GRID2: variants seen among roughly 807,000 people sequenced by gnomAD.
GRID2 encodes glutamate ionotropic receptor delta type subunit 2.
Under a neutral mutation model 114.8 loss-of-function variants are expected in GRID2, and 33 were observed. That is an observed-to-expected ratio of 0.29 (90% CI 0.22 to 0.38). GRID2 has a LOEUF of 0.38. GRID2 is among the 10% of genes least tolerant of loss of function. GRID2 has a pLI of 1.00. For missense variants in GRID2, 1,184 were observed against 1,257.7 expected (o/e 0.94, Z 0.89); for synonymous variants, 505 against 449.9 (o/e 1.12, Z -1.55).
chr4:93,743,373 T>C (rs1051505550), intron 14 of GRID2, among the ~76,000 whole-genome samples: 2 of 152,212 alleles, frequency 1.3e-5, no homozygotes, highest in Non-Finnish European at 2.9e-5. Context: ...GCCAAGATAA[T>C]AGATGAAGGT....
chr4:93,471,286 A>T (rs1339169828), intron 11 of GRID2, among the ~76,000 whole-genome samples: 2 of 152,210 alleles, frequency 1.3e-5, no homozygotes. Context: ...TCTTATAGAT[A>T]GGCTGCAAGG....
At chr4:92,476,768 A>T (rs1204336424) in intron 1 of GRID2, among the ~76,000 whole-genome samples, 2 of 152,190 alleles carry the variant, frequency 1.3e-5, no homozygotes, top group African/African-American at 4.8e-5. Context: ...TTACTTAATT[A>T]CTATCACAAC....
At position 93,106,682 on chromosome 4, in the gene GRID2, T is replaced by G. The variant is rs151320210; in HGVS notation, c.530-4066T>G. 9.0e-3 allele frequency among the ~76,000 whole-genome samples: 1,370 copies of G among 152,338 alleles called. 9 individuals carry two copies. Among genetic ancestry groups the G allele is most frequent in the Non-Finnish European group, 0.014 (945 of 68,030 alleles). ...CTCATAAAGAGCATGGCTCTGAATC[T>G]TCTCTCATTGAACTTACCAGTTGCC... On this transcript the variant is annotated intron_variant, in intron 3 of 15. Coordinates refer to ENST00000282020, the MANE Select transcript of GRID2 (RefSeq NM_001510.4).
At chr4:92,443,104 C>T (rs528186735) in intron 1 of GRID2, among the ~76,000 whole-genome samples, 1 of 151,940 alleles carries the variant, frequency 6.6e-6, no homozygotes, top group Non-Finnish European at 1.5e-5. Context: ...ACTGAGGGGA[C>T]AGGCAGGAGG....
chr4:93,594,955 G>C (rs966244233), intron 13 of GRID2, among the ~76,000 whole-genome samples: 1 of 152,162 alleles, frequency 6.6e-6, no homozygotes, highest in African/African-American at 2.4e-5. Flanking sequence ...CCACTGTCTG[G>C]CACTCCCTAG....
intron 8 of GRID2, among the ~76,000 whole-genome samples, chr4:93,242,283 G>C (rs569863019): frequency 6.6e-6 from 1 of 152,060 alleles, no homozygotes; most frequent in East Asian, 1.9e-4. Context: ...GCAAACAAGA[G>C]AGGTGACTAG....
At chr4:93,756,270 C>G (rs1205817353) in intron 14 of GRID2, among the ~76,000 whole-genome samples, 9 of 152,138 alleles carry the variant, frequency 5.9e-5, no homozygotes, top group Non-Finnish European at 7.4e-5. Context: ...TGGAAAAGTG[C>G]TAAAAGGGAA....
At chr4:92,590,951 T>A (rs1322080254) in intron 2 of GRID2, among the ~76,000 whole-genome samples, 1 of 152,196 alleles carries the variant, frequency 6.6e-6, no homozygotes, top group Non-Finnish European at 1.5e-5. Context: ...AAAATGGAAT[T>A]TTCTGTTTGC....
At chr4:93,419,705 A>G (rs1289861035) in intron 9 of GRID2, among the ~76,000 whole-genome samples, 1 of 152,108 alleles carries the variant, frequency 6.6e-6, no homozygotes, top group Non-Finnish European at 1.5e-5. Context: ...TTAACCAGTT[A>G]TAGGTGACAT....
intron 14 of GRID2, among the ~76,000 whole-genome samples, chr4:93,683,574 A>G (rs1018914056): frequency 6.6e-6 from 1 of 152,004 alleles, no homozygotes; most frequent in Non-Finnish European, 1.5e-5. Context: ...GAAAATTTTT[A>G]TTTTGTTTAG....
intron 2 of GRID2, among the ~76,000 whole-genome samples, chr4:92,856,662 T>C (rs1340450806): frequency 1.3e-5 from 2 of 152,190 alleles, no homozygotes; most frequent in South Asian, 4.1e-4. Flanking sequence ...ATCACTGTTA[T>C]GAAGCAAAAA....
intron 1 of GRID2, among the ~76,000 whole-genome samples, chr4:92,334,985 A>C (rs545404212): frequency 6.6e-6 from 1 of 152,280 alleles, no homozygotes; most frequent in South Asian, 2.1e-4. Context: ...TTCTGTTCAA[A>C]GTTGATTTAG....
intron 14 of GRID2, 76 bp from the exon 15 acceptor site, chr4:93,769,134 A>T: frequency 7.0e-7 from 1 of 1,430,684 alleles, no homozygotes; most frequent in Non-Finnish European, 9.8e-7. Flanking sequence ...CAGAGGTGGG[A>T]TTATAAATGG....
intron 2 of GRID2, among the ~76,000 whole-genome samples, chr4:92,879,871 C>G (rs1345997768): frequency 6.6e-6 from 1 of 152,146 alleles, no homozygotes; most frequent in Non-Finnish European, 1.5e-5. Context: ...GTTCTTTGGC[C>G]AAGAGCTTTT....
At chr4:92,373,556 A>G (rs1729216249) in intron 1 of GRID2, among the ~76,000 whole-genome samples, 1 of 152,210 alleles carries the variant, frequency 6.6e-6, no homozygotes, top group Admixed American at 6.5e-5. Flanking sequence ...ACGACAAAAT[A>G]ATTTCATGCC....
At chr4:93,100,573 T>C (rs1731608524) in intron 3 of GRID2, among the ~76,000 whole-genome samples, 1 of 151,972 alleles carries the variant, frequency 6.6e-6, no homozygotes, top group South Asian at 2.1e-4. Context: ...TATCCAGCAG[T>C]ATGACATACT....
intron 13 of GRID2, among the ~76,000 whole-genome samples, chr4:93,522,300 T>C (rs943480540): frequency 2.0e-5 from 3 of 152,016 alleles, no homozygotes; most frequent in Non-Finnish European, 2.9e-5. Flanking sequence ...AAAGAGAAAA[T>C]AGGAATGGCT....
intron 2 of GRID2, among the ~76,000 whole-genome samples, chr4:92,660,743 A>T (rs1434443748): frequency 6.6e-6 from 1 of 151,244 alleles, no homozygotes; most frequent in Non-Finnish European, 1.5e-5. Flanking sequence ...TATACCCAAT[A>T]AAACCTCTTT....
intron 2 of GRID2, among the ~76,000 whole-genome samples, chr4:92,995,562 A>T (rs1755149325): frequency 6.6e-6 from 1 of 152,198 alleles, no homozygotes; most frequent in South Asian, 2.1e-4. Context: ...GTAATAAGGT[A>T]GGGCCTTGTA....
Sources: gnomAD v4.1 joint callset for allele counts (sites outside exome capture counted in the v4.1 genomes callset) on GRCh38, gnomAD v4.1.1 for gene constraint, MANE v1.5 for transcripts, NCBI Gene and HGNC (gene_info 2026-07-23, HGNC 2026-07-21) for gene names.